The following MEMO1 variants were observed in gnomAD, a reference collection of about 807,000 sequenced individuals.
MEMO1 encodes protein MEMO1.
A neutral mutation model predicts 45.2 loss-of-function variants in MEMO1; 6 were observed. The ratio of observed to expected loss-of-function variants is 0.13; its 90% CI spans 0.07 to 0.26. MEMO1 has a LOEUF of 0.26. Ranked by LOEUF, MEMO1 falls within the 10% of genes least tolerant of loss-of-function variation. MEMO1 has a pLI of 1.00. For missense variants in MEMO1, 184 were observed against 370.5 expected, an observed-to-expected ratio of 0.50 and a Z score of 4.13; for synonymous variants, 78 against 124.3, an observed-to-expected ratio of 0.63 and a Z score of 2.48.
At position 31,964,525 on chromosome 2, in the gene MEMO1, C is replaced by T. The variant is rs111658213; in HGVS notation, c.62-21142G>A. Among the ~76,000 whole-genome samples, 1,072 of 151,412 alleles carry T rather than the reference C, an allele frequency of 7.1e-3. 14 individuals are homozygous for T. The highest frequency in any genetic ancestry group is 0.024 in the African/African-American group (989 of 41,266). On this transcript the variant is annotated intron_variant, in intron 2 of 9. Coordinates refer to ENST00000404530, the MANE Select transcript of MEMO1 (RefSeq NM_001301833.4). ...CAGCCTGACCAACATGGAGAAACCC[C>T]GTCTCTACTAAAAACACAAAAAAAA...
chr2:31,900,968 T>C (rs1227740882), intron 6 of MEMO1, among the ~76,000 whole-genome samples: 1 of 152,198 alleles, frequency 6.6e-6, no homozygotes, highest in African/African-American at 2.4e-5. Flanking sequence ...TGTACAAGAA[T>C]TTTTATACCA....
chr2:31,895,341 T>C (rs956754003), intron 6 of MEMO1, among the ~76,000 whole-genome samples: 9 of 152,046 alleles, frequency 5.9e-5, no homozygotes, highest in African/African-American at 2.2e-4. Flanking sequence ...TTCAAAGGAG[T>C]TATTATATAT....
At chr2:31,931,930 T>A in intron 4 of MEMO1, 137 bp downstream of exon 4, 1 of 663,278 alleles carries the variant, frequency 1.5e-6, no homozygotes, top group Non-Finnish European at 2.6e-6. Context: ...ATACAAAGTA[T>A]AGTAAAATTC....
At chr2:31,888,151 A>G (rs1676456912) in intron 7 of MEMO1, among the ~76,000 whole-genome samples, 1 of 152,092 alleles carries the variant, frequency 6.6e-6, no homozygotes, top group Non-Finnish European at 1.5e-5. Context: ...TAAAAGGCAA[A>G]TCAAATAAAG....
At chr2:31,917,051 A>T (rs1470209174) in intron 6 of MEMO1, among the ~76,000 whole-genome samples, 2 of 152,208 alleles carry the variant, frequency 1.3e-5, no homozygotes, top group African/African-American at 2.4e-5. Context: ...ACAGTAAGCT[A>T]CATCAACATA....
intron 6 of MEMO1, among the ~76,000 whole-genome samples, chr2:31,901,374 CAAAAAAA>C (rs70964738): frequency 9.7e-4 from 22 of 22,686 alleles, no homozygotes; most frequent in East Asian, 3.6e-3. Context: ...CTCTGTCTCA[CAAAAAAA>C]AAAAAAAAAA....
At chr2:31,914,636 A>C (rs933903432) in intron 6 of MEMO1, among the ~76,000 whole-genome samples, 3 of 152,132 alleles carry the variant, frequency 2.0e-5, no homozygotes, top group African/African-American at 4.8e-5. Context: ...AAAATTAAAA[A>C]ATTTGTTTTC....
intron 6 of MEMO1, among the ~76,000 whole-genome samples, chr2:31,892,717 T>C (rs1030263847): frequency 3.9e-5 from 6 of 152,170 alleles, no homozygotes; most frequent in Non-Finnish European, 5.9e-5. Context: ...TCAAATTTCA[T>C]TGGCATCTAG....
intron 2 of MEMO1, among the ~76,000 whole-genome samples, chr2:32,004,230 C>T (rs1043855275): frequency 6.6e-6 from 1 of 151,928 alleles, no homozygotes; most frequent in African/African-American, 2.4e-5. Context: ...TTCACTGACA[C>T]ACCAAGATTC....
chr2:31,933,334 AAAAAAAAAAAAAAAATTTATAT>A (rs1353329703), intron 3 of MEMO1, among the ~76,000 whole-genome samples: 4 of 58,350 alleles, frequency 6.9e-5, no homozygotes, highest in African/African-American at 1.5e-4. Context: ...AAAAAAAAAA[AAAAAAAAAAAAAAAATTTATAT>A]ATATATATAT....
intron 2 of MEMO1, among the ~76,000 whole-genome samples, chr2:31,958,121 C>A (rs1363865544): frequency 2.0e-5 from 3 of 151,966 alleles, no homozygotes; most frequent in Admixed American, 2.0e-4. Context: ...GATATAACAC[C>A]CATCACAATA....
At chr2:31,904,469 C>G (rs1484681584) in intron 6 of MEMO1, among the ~76,000 whole-genome samples, 1 of 152,206 alleles carries the variant, frequency 6.6e-6, no homozygotes, top group Non-Finnish European at 1.5e-5. Flanking sequence ...GGCAGAAATA[C>G]TATGTACTTT....
intron 2 of MEMO1, among the ~76,000 whole-genome samples, chr2:31,980,600 C>G (rs1349878358): frequency 1.3e-5 from 2 of 151,996 alleles, no homozygotes; most frequent in African/African-American, 4.8e-5. Flanking sequence ...AACTATTTTA[C>G]CAATCCTATA....
intron 2 of MEMO1, among the ~76,000 whole-genome samples, chr2:31,992,323 T>G (rs1365472424): frequency 1.3e-5 from 2 of 152,154 alleles, no homozygotes; most frequent in African/African-American, 4.8e-5. Context: ...AAGGGCAGAG[T>G]TGACTAGCTG....
chr2:31,966,060 T>C (rs1264058327), intron 2 of MEMO1, among the ~76,000 whole-genome samples: 1 of 152,226 alleles, frequency 6.6e-6, no homozygotes, highest in Admixed American at 6.5e-5. Flanking sequence ...ATTAAACATA[T>C]GTTTGCTAAA....
At chr2:31,886,467 T>G (rs1261378567) in intron 7 of MEMO1, among the ~76,000 whole-genome samples, 5 of 152,176 alleles carry the variant, frequency 3.3e-5, no homozygotes, top group Admixed American at 2.6e-4. Flanking sequence ...AAACTGAGTT[T>G]AAAATACCAC....
intron 4 of MEMO1, 31 bp from the exon 5 acceptor site, chr2:31,920,941 C>A (rs1405980914): frequency 2.9e-6 from 4 of 1,371,946 alleles, no homozygotes; most frequent in South Asian, 1.2e-5. Flanking sequence ...AAACACGTAA[C>A]AATTGCACTT....
chr2:31,998,228 G>C (rs1022494436), intron 2 of MEMO1, among the ~76,000 whole-genome samples: 1 of 152,014 alleles, frequency 6.6e-6, no homozygotes, highest in African/African-American at 2.4e-5. Flanking sequence ...TAAGTTGCTG[G>C]TCTTGAACTC....
At chr2:31,935,539 A>G (rs182302929) in intron 3 of MEMO1, among the ~76,000 whole-genome samples, 3 of 152,172 alleles carry the variant, frequency 2.0e-5, no homozygotes, top group African/African-American at 7.2e-5. Context: ...TCGAGGCTAC[A>G]CTGCAGAGTA....
Sources: gnomAD v4.1 joint callset for allele counts (sites outside exome capture counted in the v4.1 genomes callset) on GRCh38, gnomAD v4.1.1 for gene constraint, MANE v1.5 for transcripts, NCBI Gene and HGNC (gene_info 2026-07-23, HGNC 2026-07-21) for gene names.